Variants in MAP2K5 observed in about 807,000 individuals in gnomAD.
MAP2K5 encodes dual specificity mitogen-activated protein kinase kinase 5.
A neutral mutation model predicts 83.1 loss-of-function variants in MAP2K5; 49 were observed. The observed-to-expected ratio is 0.59, with a 90% CI of 0.47 to 0.75. MAP2K5 has a LOEUF of 0.75. Ranked by LOEUF, MAP2K5 falls within the 30% of genes least tolerant of loss-of-function variation. The pLI, the probability that MAP2K5 is intolerant of heterozygous loss-of-function variation, is 0.00. For missense variants in MAP2K5, 457 were observed against 557.5 expected (o/e 0.82, Z 1.82); for synonymous variants, 202 against 191.8 (o/e 1.05, Z -0.44).
In MAP2K5 at chr15:67,802,475, A is replaced by G. The variant is rs2090723990; in HGVS notation, c.1243-4171A>G. 6.6e-6 allele frequency among the ~76,000 whole-genome samples: 1 copy of G among 152,046 alleles called. No homozygotes were observed. Among genetic ancestry groups the G allele is most frequent in the Admixed American group, 6.5e-5 (1 of 15,270 alleles). The stretch of plus-strand genomic sequence containing the variant: ...GTTCTTTTCCCTTCATTGTGTCTCC[A>G]ACTTCTGTGGCAAAGTCTGTGGACT... On this transcript the variant is annotated intron_variant, in intron 21 of 21. Coordinates refer to ENST00000178640, the MANE Select transcript of MAP2K5 (RefSeq NM_145160.3). This position sits in a 1 kb window ranked among gnomAD's most constrained non-coding sequence, Gnocchi z 5.0.
intron 16 of MAP2K5, among the ~76,000 whole-genome samples, chr15:67,707,665 A>G (rs1305157042): frequency 6.6e-6 from 1 of 152,180 alleles, no homozygotes; most frequent in African/African-American, 2.4e-5. Context: ...GATGTTTACA[A>G]AGGACTCTGA....
chr15:67,693,670 C>A, intron 15 of MAP2K5, 102 bp downstream of exon 15: 1 of 869,628 alleles, frequency 1.1e-6, no homozygotes, highest in Non-Finnish European at 1.8e-6. Flanking sequence ...TTTAGCCTAG[C>A]AGATCATAAA....
intron 8 of MAP2K5, among the ~76,000 whole-genome samples, chr15:67,622,906 G>A (rs998026446): frequency 2.6e-5 from 4 of 152,156 alleles, no homozygotes; most frequent in African/African-American, 7.2e-5. Flanking sequence ...AGACCATCCT[G>A]GCTAACACAG....
chr15:67,580,875 A>G, intron 4 of MAP2K5, 52 bp downstream of exon 4: 1 of 1,166,216 alleles, frequency 8.6e-7, no homozygotes, highest in Non-Finnish European at 1.3e-6. Context: ...AAACTGTTTC[A>G]TCAACAGTTA....
At chr15:67,634,362 C>A (rs2086543446) in intron 9 of MAP2K5, among the ~76,000 whole-genome samples, 1 of 40,468 alleles carries the variant, frequency 2.5e-5, no homozygotes, top group African/African-American at 7.1e-5. Context: ...AGTAAGACCT[C>A]ATCTCAAAAA....
chr15:67,658,782 C>T, intron 12 of MAP2K5, 168 bp downstream of exon 12: 1 of 651,008 alleles, frequency 1.5e-6, no homozygotes, highest in Non-Finnish European at 2.8e-6. Flanking sequence ...CCAGCCCACC[C>T]AACATCACAA....
In MAP2K5 at chr15:67,720,663, A is replaced by G. The variant is rs545591906; in HGVS notation, c.1045-7253A>G. ...TGCTATGTGGCGGATGAGCCCCGTCAGAAGAGCTGAAAATGAGGAAGTTGC... is the reference window on the plus strand; with the variant it reads ...TGCTATGTGGCGGATGAGCCCCGTCGGAAGAGCTGAAAATGAGGAAGTTGC... On this transcript the variant is annotated intron_variant, in intron 16 of 21. Coordinates refer to ENST00000178640, the MANE Select transcript of MAP2K5 (RefSeq NM_145160.3). The surrounding 1 kb of genome is among the most constrained non-coding windows in gnomAD (Gnocchi z 5.7). 1.3e-5 allele frequency among the ~76,000 whole-genome samples: 2 copies of G among 152,288 alleles called. No individual in the cohort carries two copies. Among genetic ancestry groups the G allele is most frequent in the Admixed American group, 1.3e-4 (2 of 15,280 alleles).
At position 67,724,368 on chromosome 15, in the gene MAP2K5, T is replaced by A. The variant is rs1344409012; in HGVS notation, c.1045-3548T>A. Reference sequence around the variant, plus strand: ...ATGTTTATTTTGACTTTTGACAGCCTCGTGGAGAACTCGTTCTTTTTTATT... The same window carrying A: ...ATGTTTATTTTGACTTTTGACAGCCACGTGGAGAACTCGTTCTTTTTTATT... On this transcript the variant is annotated intron_variant, in intron 16 of 21. Coordinates refer to ENST00000178640, the MANE Select transcript of MAP2K5 (RefSeq NM_145160.3). This position sits in a 1 kb window ranked among gnomAD's most constrained non-coding sequence, Gnocchi z 4.4. Among the ~76,000 whole-genome samples the A allele has an allele frequency of 6.6e-6, 1 of 152,168 alleles. No individual in the cohort carries two copies. Among genetic ancestry groups the A allele is most frequent in the Non-Finnish European group, 1.5e-5 (1 of 68,034 alleles).
At chr15:67,731,045 G>A (rs555714791) in intron 17 of MAP2K5, among the ~76,000 whole-genome samples, 21 of 152,272 alleles carry the variant, frequency 1.4e-4, no homozygotes, top group African/African-American at 4.6e-4. Flanking sequence ...AGTACAAAGG[G>A]CCACCCATCT....
chr15:67,720,698 C>T lies in MAP2K5; in HGVS notation c.1045-7218C>T, dbSNP rs1018824356. ...AAAATGAGGAAGTTGCCTTGCAGAG[C>T]GCTATCAATCACTCAGTGACCATAA... On this transcript the variant is annotated intron_variant, in intron 16 of 21. Coordinates refer to ENST00000178640, the MANE Select transcript of MAP2K5 (RefSeq NM_145160.3). This position sits in a 1 kb window ranked among gnomAD's most constrained non-coding sequence, Gnocchi z 5.7. Among the ~76,000 whole-genome samples, 2 of 152,114 alleles carry T rather than the reference C, an allele frequency of 1.3e-5. No individual in the cohort carries two copies. Among genetic ancestry groups the T allele is most frequent in the Admixed American group, 1.3e-4 (2 of 15,268 alleles).
intron 16 of MAP2K5, among the ~76,000 whole-genome samples, chr15:67,705,774 C>T (rs1027820161): frequency 6.6e-6 from 1 of 152,004 alleles, no homozygotes; most frequent in Non-Finnish European, 1.5e-5. Context: ...GACTAGTCCT[C>T]TCTGGTAAAG....
At chr15:67,765,641 G>C (rs17244146) in intron 19 of MAP2K5, among the ~76,000 whole-genome samples, 16,828 of 152,110 alleles carry the variant, frequency 0.11, 1,039 homozygotes, top group South Asian at 0.18. Context: ...CTGCTCTCAA[G>C]GTCACTAAAC....
Position 67,770,522 on chromosome 15 carries a change from C to T in MAP2K5, c.1196+859C>T, listed in dbSNP as rs1002431546. 2.0e-5 allele frequency among the ~76,000 whole-genome samples: 3 copies of T among 152,188 alleles called. No individual in the cohort carries two copies. The highest frequency in any genetic ancestry group is 4.8e-5 in the African/African-American group (2 of 41,446). ...TCAAAGCAGGAGACAAAACCAACCG[C>T]AACTCCTTCTTAACTACGTTGGTCT... On this transcript the variant is annotated intron_variant, in intron 20 of 21. Coordinates refer to ENST00000178640, the MANE Select transcript of MAP2K5 (RefSeq NM_145160.3). The surrounding 1 kb of genome is among the most constrained non-coding windows in gnomAD (Gnocchi z 5.0).
chr15:67,559,386 A>T lies in MAP2K5; in HGVS notation c.185-3897A>T, dbSNP rs2084689746. ...TTATCTGCTGTTTACTCAGTAGGCC[A>T]TTGTGACCGCCCCTTACCTGAGGCT... On this transcript the variant is annotated intron_variant, in intron 2 of 21. Transcript: ENST00000178640. This position sits in a 1 kb window ranked among gnomAD's most constrained non-coding sequence, Gnocchi z 4.7. Among the ~76,000 whole-genome samples, 1 of 152,142 alleles carries T rather than the reference A, an allele frequency of 6.6e-6. No homozygotes were observed. Among genetic ancestry groups the T allele is most frequent in the Non-Finnish European group, 1.5e-5 (1 of 68,024 alleles).
chr15:67,587,236 G>A lies in MAP2K5; in HGVS notation c.431+323G>A, dbSNP rs2085309389. Reference sequence around the variant, plus strand: ...GTAGGCCAGTTTGGCACAGGGAGGGGTGCTGGGTTGGGGAAGGGATTTGGA... The same window carrying A: ...GTAGGCCAGTTTGGCACAGGGAGGGATGCTGGGTTGGGGAAGGGATTTGGA... On this transcript the variant is annotated intron_variant, in intron 6 of 21. Coordinates refer to ENST00000178640, the MANE Select transcript of MAP2K5 (RefSeq NM_145160.3). This position sits in a 1 kb window ranked among gnomAD's most constrained non-coding sequence, Gnocchi z 4.8. 6.6e-6 allele frequency among the ~76,000 whole-genome samples: 1 copy of A among 152,150 alleles called. No individual in the cohort carries two copies. The highest frequency in any genetic ancestry group is 2.4e-5 in the African/African-American group (1 of 41,428).
chr15:67,723,467 G>T (rs955738824), intron 16 of MAP2K5, among the ~76,000 whole-genome samples: 1 of 152,162 alleles, frequency 6.6e-6, no homozygotes, highest in Non-Finnish European at 1.5e-5. Context: ...TCCCCAACTG[G>T]TAACACTTCA....
intron 2 of MAP2K5, among the ~76,000 whole-genome samples, chr15:67,553,352 G>T (rs1453672544): frequency 6.6e-6 from 1 of 152,128 alleles, no homozygotes; most frequent in Non-Finnish European, 1.5e-5. Flanking sequence ...CCAGGTTTAC[G>T]TTCTGTGATA....
chr15:67,614,761 C>T (rs1362491209), intron 8 of MAP2K5, among the ~76,000 whole-genome samples: 2 of 152,074 alleles, frequency 1.3e-5, no homozygotes, highest in African/African-American at 4.8e-5. Context: ...AACTCTGAGG[C>T]AGGTATGGGA....
At chr15:67,660,360 C>T (rs2087206101) in intron 12 of MAP2K5, among the ~76,000 whole-genome samples, 1 of 151,910 alleles carries the variant, frequency 6.6e-6, no homozygotes, top group African/African-American at 2.4e-5. Context: ...CCAGATTGGC[C>T]CATGGCTAAT....
Sources: gnomAD v4.1 joint callset for allele counts (sites outside exome capture counted in the v4.1 genomes callset) on GRCh38, gnomAD v4.1.1 for gene constraint, Gnocchi (gnomAD v3.1) non-coding constraint, MANE v1.5 for transcripts, NCBI Gene and HGNC (gene_info 2026-07-23, HGNC 2026-07-21) for gene names.